Variants in CROCC2 observed in about 807,000 individuals in gnomAD.
CROCC2 encodes ciliary rootlet coiled-coil, rootletin family member 2, also known as ciliary rootlet coiled-coil protein 2.
Under a neutral mutation model 177.6 loss-of-function variants are expected in CROCC2, and 163 were observed. The observed-to-expected ratio is 0.92, with a 90% confidence interval of 0.81 to 1.05. CROCC2 has a LOEUF of 1.05. CROCC2 is among the 50% of genes least tolerant of loss of function. The pLI is 0.00. For synonymous variants in CROCC2, 904 were observed against 787.3 expected (o/e 1.15, Z -2.48); for missense variants, 1,929 against 1,797.8 (o/e 1.07, Z -1.32).
Position 240,934,960 on chromosome 2 carries a change from G to T in CROCC2, c.1836G>T (p.Leu612=). ...ACCTGGAGCTTCTTGTGAGGCGGCTGAAGTCGGAGGGAGTGGAGCAAAGGG... is the reference window on the plus strand; with the variant it reads ...ACCTGGAGCTTCTTGTGAGGCGGCTTAAGTCGGAGGGAGTGGAGCAAAGGG... ...NADLELLVRR[L]KSEGVEQRDS... The change falls in exon 13 of 32, where the codon CTG becomes CTT. Residue 612 remains leucine, a synonymous_variant. Transcript: ENST00000690015. 6.6e-7 allele frequency: 1 copy of T among 1,518,196 alleles called. No homozygotes were observed. The highest frequency in any genetic ancestry group is 8.8e-7 in the Non-Finnish European group (1 of 1,131,900). The allele number at this position is 1,518,196 out of a possible 1,614,324, so 94.0% of individuals were successfully genotyped here. A position where few individuals can be genotyped will look rare whatever the true frequency, so the allele number is the denominator to read the frequency against.
chr2:240,968,022 C>T (rs1411169930), intron 26 of CROCC2, 107 bp from the exon 27 acceptor site: 3 of 1,194,122 alleles, frequency 2.5e-6, no homozygotes, highest in Non-Finnish European at 3.3e-6. Flanking sequence ...GATGGACCCC[C>T]ACCTCCACGT....
intron 14 of CROCC2, among the ~76,000 whole-genome samples, chr2:240,937,122 G>A (rs1374800185): frequency 6.6e-6 from 1 of 152,246 alleles, no homozygotes; most frequent in African/African-American, 2.4e-5. Context: ...CTTTGCTGCA[G>A]CCAGCAGTGT....
Position 240,946,182 on chromosome 2 carries a change from C to T in CROCC2, c.2292C>T (p.Ala764=), listed in dbSNP as rs2059523039. 5 of 1,547,696 alleles carry T rather than the reference C, an allele frequency of 3.2e-6. No homozygotes were observed. Among genetic ancestry groups the T allele is most frequent in the Non-Finnish European group, 4.4e-6 (5 of 1,144,674 alleles). ...AGGATGCTCTGTCTGAGGAGCGGGC[C>T]CAGCTGCTGGCCAAGCAGGAGGCCT... ...QGKDALSEER[A]QLLAKQEALE... is the part of the protein sequence containing the mutation. Residue 764 remains alanine (A), a synonymous_variant, in exon 15 of 32, where the codon GCC becomes GCT. Coordinates refer to ENST00000690015, the MANE Select transcript of CROCC2 (RefSeq NM_001351305.2).
intron 1 of CROCC2, among the ~76,000 whole-genome samples, chr2:240,916,465 CCCCCCGTG>C (rs1424265393): frequency 1.5e-5 from 1 of 68,940 alleles, no homozygotes; most frequent in Admixed American, 1.4e-4. Context: ...CCCATGCGCT[CCCCCCGTG>C]CCCCCGCGCC....
intron 1 of CROCC2, among the ~76,000 whole-genome samples, chr2:240,916,816 GC>G (rs1323719755): frequency 6.6e-6 from 1 of 152,208 alleles, no homozygotes; most frequent in East Asian, 1.9e-4. Flanking sequence ...GGGGGATTGA[GC>G]GGAGCATGAC....
intron 27 of CROCC2, among the ~76,000 whole-genome samples, chr2:240,976,435 GCCTCAGGAT>G (rs2059766412): frequency 3.3e-5 from 4 of 122,640 alleles, no homozygotes; most frequent in African/African-American, 9.4e-5. Flanking sequence ...TGGGGTAGGA[GCCTCAGGAT>G]CCCAGGCTCA....
intron 27 of CROCC2, among the ~76,000 whole-genome samples, chr2:240,975,918 C>T (rs567712206): frequency 2.7e-5 from 4 of 149,884 alleles, no homozygotes; most frequent in Admixed American, 6.6e-5. Context: ...TTTAGTAGGA[C>T]TGGGGCTTCA....
At chr2:240,947,631 T>C (rs2059531290) in intron 15 of CROCC2, among the ~76,000 whole-genome samples, 1 of 152,190 alleles carries the variant, frequency 6.6e-6, no homozygotes, top group Admixed American at 6.5e-5. Context: ...CAGGTAACAT[T>C]CAGGACCATT....
rs1219591743 is a variant in CROCC2 at position 240,925,803 on chromosome 2, C to T, written c.568C>T (p.Arg190Trp). 8.4e-6 allele frequency: 6 copies of T among 716,832 alleles called. No homozygotes were observed. Among genetic ancestry groups the T allele is most frequent in the South Asian group, 7.4e-5 (5 of 67,584 alleles). 44.4% of individuals were successfully genotyped at this position (716,832 alleles called of 1,614,324 possible). ...GAAGAAGGCCAATGACGCGCTGGGC[C>T]GGGAGCTGGCCGGGATGACGGGCAG... ...HMKKANDALG[R>W]ELAGMTGSVQ... Residue 190 changes from arginine (R) to tryptophan (W), a missense_variant, in exon 5 of 32, where the codon CGG becomes TGG. Arg to Trp is a moderately radical substitution (Grantham distance 101). This residue lies in a region of CROCC2 where 1,397 missense variants were observed against 1,239.9 expected (regional missense o/e 1.13). Coordinates refer to ENST00000690015, the MANE Select transcript of CROCC2 (RefSeq NM_001351305.2).
chr2:240,927,452 A>C (rs1227032088), intron 5 of CROCC2, among the ~76,000 whole-genome samples: 5 of 152,052 alleles, frequency 3.3e-5, no homozygotes. Context: ...CAGTTCACGG[A>C]TTTGTTCTTT....
At position 240,932,785 on chromosome 2, in the gene CROCC2, C is replaced by T. The variant is rs74000149; in HGVS notation, c.1128C>T (p.Ser376=). 10,582 of 1,414,340 alleles carry T rather than the reference C, an allele frequency of 7.5e-3. 627 individuals are homozygous for T. The African/African-American group carries it at 0.13, about 18-fold the overall frequency. 87.6% of individuals were successfully genotyped at this position (1,414,340 alleles called of 1,614,324 possible). A position where few individuals can be genotyped will look rare whatever the true frequency, so the allele number is the denominator to read the frequency against. ...GGGAGCCACGGCGCCCACTGAGGAGCCCCCAACGTGCCACATCCCCCCATC... is the reference window on the plus strand; with the variant it reads ...GGGAGCCACGGCGCCCACTGAGGAGTCCCCAACGTGCCACATCCCCCCATC... ...ELGEPRRPLR[S]PQRATSPHQG... Residue 376 remains serine (S), a synonymous_variant, in exon 9 of 32, where the codon AGC becomes AGT. Coordinates refer to ENST00000690015, the MANE Select transcript of CROCC2 (RefSeq NM_001351305.2).
At chr2:240,970,707 G>T (rs75468505) in intron 27 of CROCC2, among the ~76,000 whole-genome samples, 18 of 152,254 alleles carry the variant, frequency 1.2e-4, no homozygotes, top group African/African-American at 4.3e-4. Context: ...CTCCCCAGGG[G>T]GGCTCTGGGC....
intron 18 of CROCC2, 168 bp downstream of exon 18, chr2:240,950,678 T>A: frequency 4.7e-6 from 3 of 640,462 alleles, no homozygotes; most frequent in Non-Finnish European, 7.9e-6. Context: ...CACCCACCTA[T>A]CTGTTCATCC....
intron 20 of CROCC2, among the ~76,000 whole-genome samples, chr2:240,962,019 CACACACACACGCACGCA>C (rs1452253838): frequency 2.9e-4 from 9 of 30,856 alleles, no homozygotes; most frequent in Non-Finnish European, 7.7e-4. Flanking sequence ...CCCACACACA[CACACACACACGCACGCA>C]CACACGCGCA....
At chr2:240,932,536 G>A (rs2059439763) in intron 8 of CROCC2, 122 bp downstream of exon 8, 4 of 696,808 alleles carry the variant, frequency 5.7e-6, no homozygotes, top group South Asian at 3.1e-5. Flanking sequence ...TGGGGTCCCT[G>A]CAGTGCACTT....
chr2:240,943,975 G>A (rs532275025), intron 14 of CROCC2, among the ~76,000 whole-genome samples: 5 of 152,258 alleles, frequency 3.3e-5, no homozygotes, highest in South Asian at 4.1e-4. Context: ...TGGATTGTAC[G>A]TTGTATTGCT....
rs1274664654 is a variant in CROCC2, at chr2:240,933,852, G to A, written c.1646G>A (p.Ser549Asn). The part of the protein sequence containing the change: ...RERSCRALET[S>N]QGRLQQLEEK... ...CGGAGCTGCAGGGCACTGGAGACCA[G>A]GTGCGCGGCCGTGGCTGGGTGGGCA... The change falls in exon 11 of 32, where the codon AGT becomes AAT. Residue 549 changes from serine to asparagine, a missense_variant and splice_region_variant. Transcript: ENST00000690015. The A allele has an allele frequency of 6.5e-7, 1 of 1,542,740 alleles. No homozygotes were observed. Among genetic ancestry groups the A allele is most frequent in the East Asian group, 2.5e-5 (1 of 40,762 alleles).
intron 1 of CROCC2, among the ~76,000 whole-genome samples, chr2:240,916,825 G>T (rs1374834608): frequency 1.3e-5 from 2 of 152,208 alleles, no homozygotes; most frequent in African/African-American, 4.8e-5. Context: ...AGCGGAGCAT[G>T]ACGGTCTCTG....
rs1201953673 is a variant in CROCC2 at position 240,968,407 on chromosome 2, C to A, written c.4401+145C>A. On this transcript the variant is annotated intron_variant, in intron 27 of 31. Transcript: ENST00000690015. ...TTCTGTGGGTGTTCGGGGCTGGAGC[C>A]AGCCCGGTGGGGCCCTGGGGCAGAG... The A allele has an allele frequency of 6.2e-6, 7 of 1,130,952 alleles. No individual in the cohort carries two copies. The East Asian group carries it at 1.4e-4, about 23-fold the overall frequency. The allele number at this position is 1,130,952 out of a possible 1,614,324, so 70.1% of individuals were successfully genotyped here.
Sources: gnomAD v4.1 joint callset for allele counts (sites outside exome capture counted in the v4.1 genomes callset) on GRCh38, gnomAD v4.1.1 for gene constraint, gnomAD v4.1.1 regional missense constraint, MANE v1.5 for transcripts, NCBI Gene and HGNC (gene_info 2026-07-23, HGNC 2026-07-21) for gene names.